Variants in CFAP46 observed in about 807,000 individuals in gnomAD.
CFAP46 encodes the protein cilia and flagella associated protein 46.
In CFAP46, 245 loss-of-function variants were observed where a neutral mutation model predicts 325.7. The observed-to-expected ratio is 0.75, with a 90% CI of 0.68 to 0.84. CFAP46 has a LOEUF of 0.84. Among genes scored for constraint, CFAP46 ranks in the 40% least tolerant of loss-of-function variants. The pLI is 0.00. For missense variants in CFAP46, 3,346 were observed against 3,543.0 expected, an observed-to-expected ratio of 0.94 and a Z score of 1.41; for synonymous variants, 1,523 against 1,495.9, an observed-to-expected ratio of 1.02 and a Z score of -0.42.
chr10:132,912,703 G>A lies in CFAP46; in HGVS notation c.2451C>T (p.His817=). Reference sequence around the variant, plus strand: ...AAGTGGCTCCTGCGTCCAGTGGGCTGTGAAACGCGTTTGGTCGCATGAATT... The same window carrying A: ...AAGTGGCTCCTGCGTCCAGTGGGCTATGAAACGCGTTTGGTCGCATGAATT... ...SRKFMRPNAF[H]SPLDAGATSE... Residue 817 remains histidine (H), a synonymous_variant, in exon 19 of 58, where the codon CAC becomes CAT. Coordinates refer to ENST00000368586, the MANE Select transcript of CFAP46 (RefSeq NM_001200049.3). 4.5e-6 allele frequency: 7 copies of A among 1,550,076 alleles called. No individual in the cohort carries two copies. Among genetic ancestry groups the A allele is most frequent in the African/African-American group, 1.4e-5 (1 of 73,116 alleles).
chr10:132,850,081 G>A (rs994956479), intron 41 of CFAP46, among the ~76,000 whole-genome samples, 163 bp downstream of exon 41: 1 of 152,212 alleles, frequency 6.6e-6, no homozygotes, highest in Non-Finnish European at 1.5e-5. Context: ...GAAGGCCTGA[G>A]TTTTGCCAGC....
At chr10:132,849,932 C>CG (rs1848507567) in intron 41 of CFAP46, among the ~76,000 whole-genome samples, 2 of 151,912 alleles carry the variant, frequency 1.3e-5, no homozygotes, top group Non-Finnish European at 2.9e-5. Context: ...TTGCTCCACG[C>CG]TCGCCAGCAC....
chr10:132,862,232 C>T (rs999291514), intron 35 of CFAP46, among the ~76,000 whole-genome samples: 1 of 152,100 alleles, frequency 6.6e-6, no homozygotes, highest in Admixed American at 6.5e-5. Flanking sequence ...GAGGGGGAGG[C>T]CCTTCGTGGC....
intron 17 of CFAP46, among the ~76,000 whole-genome samples, chr10:132,915,422 G>A (rs1849621567): frequency 6.6e-6 from 1 of 152,274 alleles, no homozygotes; most frequent in Non-Finnish European, 1.5e-5. Context: ...AAGGCCACCT[G>A]CAGCCGTCAT....
chr10:132,934,892 C>A (rs373461871), intron 7 of CFAP46, 30 bp from the exon 8 acceptor site: 3 of 1,310,080 alleles, frequency 2.3e-6, no homozygotes, highest in African/African-American at 1.5e-5. Flanking sequence ...TAATTCAGCA[C>A]AAGATCCTGT....
intron 39 of CFAP46, 22 bp downstream of exon 39, chr10:132,857,568 A>T: frequency 1.2e-6 from 2 of 1,607,496 alleles, no homozygotes; most frequent in Non-Finnish European, 1.7e-6. Flanking sequence ...CAGTGTGCAC[A>T]GGAACCAGGA....
At chr10:132,834,843 G>A (rs936995428) in intron 47 of CFAP46, 68 bp from the exon 48 acceptor site, 25 of 1,534,288 alleles carry the variant, frequency 1.6e-5, no homozygotes, top group Non-Finnish European at 1.9e-5. Flanking sequence ...GCGAGGGCCA[G>A]GCCCCTGCAG....
intron 28 of CFAP46, among the ~76,000 whole-genome samples, 160 bp from the exon 29 acceptor site, chr10:132,879,791 C>T (rs1277744301): frequency 6.6e-6 from 1 of 152,166 alleles, no homozygotes; most frequent in Non-Finnish European, 1.5e-5. Flanking sequence ...GGAAGAGTCA[C>T]GTGTTGTACT....
rs1849264927 is a variant in CFAP46 at position 132,892,348 on chromosome 10, C to T, written c.3289G>A (p.Gly1097Arg). The T allele has an allele frequency of 6.4e-7, 1 of 1,550,820 alleles. No individual in the cohort carries two copies. The highest frequency in any genetic ancestry group is 2.0e-5 in the Admixed American group (1 of 51,006). Reference protein sequence around the residue: ...ADFQGGGTTEGYFLPGAEDDL... With the variant: ...ADFQGGGTTERYFLPGAEDDL... ...TGCTACAAACCTGGAAGAAAATATC[C>T]TTCGGTCGTCCCGCCACCCTGGAAG... The change falls in exon 25 of 58, where the codon GGA (glycine) becomes AGA (arginine). Residue 1097 changes from glycine (G) to arginine (R), a missense_variant. Coordinates refer to ENST00000368586, the MANE Select transcript of CFAP46 (RefSeq NM_001200049.3).
intron 35 of CFAP46, among the ~76,000 whole-genome samples, chr10:132,861,576 G>C (rs976947860): frequency 6.6e-6 from 1 of 152,228 alleles, no homozygotes; most frequent in Non-Finnish European, 1.5e-5. Context: ...CTCCCCATCC[G>C]GGGGCCTGCA....
chr10:132,887,545 TCTC>T (rs1246760401), intron 25 of CFAP46, among the ~76,000 whole-genome samples: 16 of 91,048 alleles, frequency 1.8e-4, no homozygotes, highest in Non-Finnish European at 2.7e-4. Context: ...TCCCCTCTTC[TCTC>T]CTCTCCCTTC....
chr10:132,846,771 C>T (rs1316050851), intron 43 of CFAP46, among the ~76,000 whole-genome samples, 161 bp downstream of exon 43: 1 of 152,368 alleles, frequency 6.6e-6, no homozygotes, highest in South Asian at 2.1e-4. Context: ...TCTCTCTGAG[C>T]CACAAGTTTA....
At chr10:132,835,249 A>C in intron 47 of CFAP46, 55 bp downstream of exon 47, 1 of 1,589,966 alleles carries the variant, frequency 6.3e-7, no homozygotes, top group Non-Finnish European at 8.6e-7. Context: ...CCTGGCTCCC[A>C]GGGGTGGGGA....
chr10:132,876,881 C>T lies in CFAP46; in HGVS notation c.4293G>A (p.Glu1431=). 5 of 1,550,520 alleles carry T rather than the reference C, an allele frequency of 3.2e-6. No homozygotes were observed. The highest frequency in any genetic ancestry group is 4.4e-6 in the Non-Finnish European group (5 of 1,146,956). ...IEEWASYSCP[E]EVLSVLKQDR... The stretch of plus-strand genomic sequence containing the variant: ...CCTGTTTCAGTACAGACAGCACTTC[C>T]TCGGGGCAGGAGTAGGAAGCCCACT... Residue 1431 remains glutamate, a synonymous_variant, in exon 31 of 58, where the codon GAG becomes GAA. Coordinates refer to ENST00000368586, the MANE Select transcript of CFAP46 (RefSeq NM_001200049.3). The surrounding 1 kb of genome is among the most constrained non-coding windows in gnomAD (Gnocchi z 4.1).
intron 45 of CFAP46, among the ~76,000 whole-genome samples, 175 bp downstream of exon 45, chr10:132,836,642 C>A (rs3750581): frequency 3.9e-5 from 6 of 152,122 alleles, no homozygotes; most frequent in Non-Finnish European, 7.4e-5. Flanking sequence ...ACGGCCCCCC[C>A]CCCTTGGGGT....
intron 47 of CFAP46, 57 bp from the exon 48 acceptor site, chr10:132,834,832 C>T (rs7095544): frequency 0.016 from 25,014 of 1,570,060 alleles, 515 homozygotes; most frequent in African/African-American, 0.082. Context: ...GCCCAGACCC[C>T]GCGAGGGCCA....
At chr10:132,892,477 T>A in intron 24 of CFAP46, 60 bp from the exon 25 acceptor site, 1 of 1,482,850 alleles carries the variant, frequency 6.7e-7, no homozygotes, top group Non-Finnish European at 9.2e-7. Context: ...TCTTTCACCA[T>A]GAGATAAGAA....
Position 132,814,201 on chromosome 10 carries a change from T to C in CFAP46, c.7339A>G (p.Thr2447Ala). The change falls in exon 54 of 58, where the codon ACA becomes GCA. Residue 2447 changes from threonine (T) to alanine (A), a missense_variant. Physicochemically the swap from Thr to Ala is moderately conservative, Grantham distance 58. Transcript: ENST00000368586. ...TGTCCCGCCCATCGCGACGTGAATG[T>C]GTCTTGGAATCTTTCCAAAATGTCT... ...TQDILERFQD[T>A]FTSRWAGHLG... 2 of 1,613,992 alleles carry C rather than the reference T, an allele frequency of 1.2e-6. No individual in the cohort carries two copies. Among genetic ancestry groups the C allele is most frequent in the Non-Finnish European group, 1.7e-6 (2 of 1,180,006 alleles).
At chr10:132,900,300 C>T (rs1485661631) in intron 22 of CFAP46, among the ~76,000 whole-genome samples, 1 of 152,208 alleles carries the variant, frequency 6.6e-6, no homozygotes, top group African/African-American at 2.4e-5. Flanking sequence ...GTGCACACTC[C>T]TGGGTGTCAA....
Sources: gnomAD v4.1 joint callset for allele counts (sites outside exome capture counted in the v4.1 genomes callset) on GRCh38, gnomAD v4.1.1 for gene constraint, Gnocchi (gnomAD v3.1) non-coding constraint, MANE v1.5 for transcripts, NCBI Gene and HGNC (gene_info 2026-07-23, HGNC 2026-07-21) for gene names.